CMSS1: variants seen among roughly 807,000 people sequenced by gnomAD.
CMSS1 encodes the protein cms1 ribosomal small subunit homolog, also known as protein CMSS1.
A neutral mutation model predicts 43.5 loss-of-function variants in CMSS1; 33 were observed. That is an observed-to-expected ratio of 0.76 (90% confidence interval 0.57 to 1.01). The LOEUF (loss-of-function observed/expected upper bound fraction) is 1.01. CMSS1 is among the 50% of genes least tolerant of loss of function. CMSS1 has a pLI of 0.00. For missense variants in CMSS1, 313 were observed against 326.4 expected, an observed-to-expected ratio of 0.96 and a Z score of 0.32; for synonymous variants, 115 against 117.2, an observed-to-expected ratio of 0.98 and a Z score of 0.12.
chr3:100,059,039 A>G (rs993296373), intron 1 of CMSS1, among the ~76,000 whole-genome samples: 1 of 152,222 alleles, frequency 6.6e-6, no homozygotes, highest in African/African-American at 2.4e-5. Context: ...ATAGACTTGA[A>G]ATAAAGGCTA....
intron 1 of CMSS1, among the ~76,000 whole-genome samples, chr3:100,010,772 G>A (rs1296792676): frequency 2.4e-5 from 3 of 123,890 alleles, no homozygotes; most frequent in South Asian, 5.7e-4. Flanking sequence ...GCGCCTCCAC[G>A]CCCGGATTTT....
At chr3:100,115,575 GTCTCTCTC>G (rs66793218) in intron 1 of CMSS1, among the ~76,000 whole-genome samples, 1,966 of 97,836 alleles carry the variant, frequency 0.02, 25 homozygotes, top group African/African-American at 0.037. Flanking sequence ...CTCTCTCTCT[GTCTCTCTC>G]TCTCTCTCTC....
intron 1 of CMSS1, among the ~76,000 whole-genome samples, chr3:100,133,197 A>G (rs889891272): frequency 6.6e-6 from 1 of 152,206 alleles, no homozygotes; most frequent in Non-Finnish European, 1.5e-5. Context: ...ACAAAGAAAT[A>G]TATTGTAGAC....
At chr3:99,923,903 C>T (rs1707203335) in intron 1 of CMSS1, among the ~76,000 whole-genome samples, 1 of 152,228 alleles carries the variant, frequency 6.6e-6, no homozygotes, top group Non-Finnish European at 1.5e-5. Context: ...TACTAACACA[C>T]TTATTTCACC....
chr3:99,949,597 C>T (rs1172570656), intron 1 of CMSS1, among the ~76,000 whole-genome samples: 1 of 152,176 alleles, frequency 6.6e-6, no homozygotes, highest in Non-Finnish European at 1.5e-5. Flanking sequence ...ACTAACATGG[C>T]TGTATTTCAA....
chr3:99,898,693 G>A, intron 1 of CMSS1: 2 of 162,810 alleles, frequency 1.2e-5, no homozygotes, highest in South Asian at 2.5e-4. Context: ...TTGAACCCAG[G>A]AGGCAGAGAT....
intron 1 of CMSS1, among the ~76,000 whole-genome samples, chr3:100,049,865 A>G (rs934037912): frequency 9.2e-5 from 14 of 152,306 alleles, no homozygotes; most frequent in South Asian, 2.1e-4. Context: ...TATTTTATCA[A>G]TAAGGCTTCT....
chr3:100,151,191 T>C (rs1483598047), intron 2 of CMSS1, among the ~76,000 whole-genome samples: 4 of 152,254 alleles, frequency 2.6e-5, no homozygotes, highest in Non-Finnish European at 5.9e-5. Flanking sequence ...CTATTCATTC[T>C]CTGATTCACC....
At chr3:100,087,391 T>C (rs1299544053) in intron 1 of CMSS1, among the ~76,000 whole-genome samples, 1 of 152,178 alleles carries the variant, frequency 6.6e-6, no homozygotes, top group Non-Finnish European at 1.5e-5. Flanking sequence ...TTGGTTTTGG[T>C]TTTGGTTGAC....
chr3:99,821,685 G>A (rs1398061815), intron 1 of CMSS1, among the ~76,000 whole-genome samples: 1 of 152,198 alleles, frequency 6.6e-6, no homozygotes, highest in Admixed American at 6.5e-5. Context: ...TACTTTCTCA[G>A]TGTGAAGCTG....
chr3:99,843,294 A>C (rs1309007642), intron 1 of CMSS1, among the ~76,000 whole-genome samples: 3 of 152,220 alleles, frequency 2.0e-5, no homozygotes, highest in Admixed American at 2.0e-4. Context: ...AGCTCAGCCA[A>C]AGATTTAGGC....
At chr3:99,904,109 A>G (rs1013657438) in intron 1 of CMSS1, among the ~76,000 whole-genome samples, 1 of 152,206 alleles carries the variant, frequency 6.6e-6, no homozygotes, top group African/African-American at 2.4e-5. Flanking sequence ...CCCAATTTTC[A>G]GACAAGCACT....
At chr3:99,907,796 A>G (rs1430233336) in intron 1 of CMSS1, among the ~76,000 whole-genome samples, 2 of 152,206 alleles carry the variant, frequency 1.3e-5, no homozygotes, top group East Asian at 1.9e-4. Context: ...CGCTAATGCT[A>G]TCTGGATCCA....
chr3:99,984,563 G>T (rs1200992816), intron 1 of CMSS1, among the ~76,000 whole-genome samples: 1 of 152,146 alleles, frequency 6.6e-6, no homozygotes, highest in Non-Finnish European at 1.5e-5. Context: ...TCTGCACACT[G>T]CCAAGAGGTA....
chr3:100,057,527 C>T (rs1470940433), intron 1 of CMSS1, among the ~76,000 whole-genome samples: 11 of 152,274 alleles, frequency 7.2e-5, no homozygotes, highest in Admixed American at 6.5e-4. Flanking sequence ...TTGTGTTCTG[C>T]GTCTTATTAA....
chr3:99,937,075 T>A (rs187988918), intron 1 of CMSS1, among the ~76,000 whole-genome samples: 1 of 152,092 alleles, frequency 6.6e-6, no homozygotes, highest in Admixed American at 6.5e-5. Flanking sequence ...GTAGCTGGGA[T>A]TACAGGCGCC....
At chr3:100,082,475 T>C (rs1267823712) in intron 1 of CMSS1, among the ~76,000 whole-genome samples, 2 of 152,202 alleles carry the variant, frequency 1.3e-5, no homozygotes, top group African/African-American at 4.8e-5. Flanking sequence ...GTTTCTATTT[T>C]CTTCTATCAG....
chr3:99,855,794 C>T (rs186804350), intron 1 of CMSS1, among the ~76,000 whole-genome samples: 20 of 152,294 alleles, frequency 1.3e-4, no homozygotes, highest in African/African-American at 4.8e-4. Flanking sequence ...CTCCTTTTCA[C>T]ATTTTTAACT....
chr3:99,968,749 T>C (rs1384958807), intron 1 of CMSS1, among the ~76,000 whole-genome samples: 1 of 152,166 alleles, frequency 6.6e-6, no homozygotes, highest in Non-Finnish European at 1.5e-5. Flanking sequence ...AATTGATACA[T>C]TTTCCTCAGG....
Sources: gnomAD v4.1 joint callset for allele counts (sites outside exome capture counted in the v4.1 genomes callset) on GRCh38, gnomAD v4.1.1 for gene constraint, MANE v1.5 for transcripts, NCBI Gene and HGNC (gene_info 2026-07-23, HGNC 2026-07-21) for gene names.